ST6GALNAC3: variants seen among roughly 807,000 people sequenced by gnomAD.
The protein encoded by ST6GALNAC3 is alpha-N-acetylgalactosaminide alpha-2,6-sialyltransferase 3.
ST6GALNAC3 carries 25 observed loss-of-function variants against 32.7 expected under a neutral mutation model. The observed-to-expected ratio is 0.76, with a 90% CI of 0.56 to 1.07. ST6GALNAC3 has a LOEUF of 1.07. Among genes scored for constraint, ST6GALNAC3 ranks in the 50% least tolerant of loss-of-function variants. The probability of loss-of-function intolerance (pLI) is 0.00; values close to 1 mark genes in which losing one functional copy is unlikely to be tolerated. For synonymous variants in ST6GALNAC3, 129 were observed against 133.1 expected, an observed-to-expected ratio of 0.97 and a Z score of 0.21; for missense variants, 355 against 382.4, an observed-to-expected ratio of 0.93 and a Z score of 0.60.
intron 2 of ST6GALNAC3, among the ~76,000 whole-genome samples, chr1:76,378,493 CTCTAATAAATATACAAAA>C: frequency 6.6e-6 from 1 of 152,032 alleles, no homozygotes; most frequent in South Asian, 2.1e-4. Context: ...GAAATGCCGT[CTCTAATAAATATACAAAA>C]ATTAGCTGAG....
intron 1 of ST6GALNAC3, among the ~76,000 whole-genome samples, chr1:76,076,300 G>T (rs1646815484): frequency 6.6e-6 from 1 of 152,140 alleles, no homozygotes; most frequent in African/African-American, 2.4e-5. Context: ...TATACATGTG[G>T]TAAACATCTT....
intron 1 of ST6GALNAC3, among the ~76,000 whole-genome samples, chr1:76,125,446 G>A (rs1649178908): frequency 6.6e-6 from 1 of 152,084 alleles, no homozygotes; most frequent in Non-Finnish European, 1.5e-5. Flanking sequence ...CCCTAAATGT[G>A]AGTGATCCTC....
intron 3 of ST6GALNAC3, among the ~76,000 whole-genome samples, chr1:76,568,931 G>A (rs929837934): frequency 2.0e-5 from 3 of 152,024 alleles, no homozygotes; most frequent in African/African-American, 7.2e-5. Flanking sequence ...AGAAACCTAG[G>A]GGAAAATTGA....
At chr1:76,455,858 G>A (rs577116112) in intron 3 of ST6GALNAC3, among the ~76,000 whole-genome samples, 2 of 152,226 alleles carry the variant, frequency 1.3e-5, no homozygotes, top group South Asian at 2.1e-4. Flanking sequence ...TCTGTAGAAT[G>A]TCCACCTTAG....
chr1:76,535,112 C>T (rs11577619), intron 3 of ST6GALNAC3, among the ~76,000 whole-genome samples: 27,697 of 152,102 alleles, frequency 0.18, 4,109 homozygotes, highest in African/African-American at 0.41. Flanking sequence ...ATGGGATACA[C>T]AGGGTTAGGG....
chr1:76,522,085 T>TA (rs55954462), intron 3 of ST6GALNAC3, among the ~76,000 whole-genome samples: 1,477 of 140,702 alleles, frequency 0.01, 16 homozygotes, highest in African/African-American at 0.016. Flanking sequence ...ACTCCATTTC[T>TA]AAAAAAAAAA....
At chr1:76,175,022 A>G (rs939818877) in intron 1 of ST6GALNAC3, among the ~76,000 whole-genome samples, 6 of 152,202 alleles carry the variant, frequency 3.9e-5, no homozygotes, top group African/African-American at 1.2e-4. Flanking sequence ...ATTATATTGT[A>G]TGGAAGTTCC....
rs1390338863 is a variant in ST6GALNAC3 at position 76,633,518 on chromosome 1, G to T, written c.*4712G>T. On this transcript the variant is annotated 3_prime_UTR_variant, in exon 5 of 5. Coordinates refer to ENST00000328299, the MANE Select transcript of ST6GALNAC3 (RefSeq NM_152996.4). ...TTCTTAGTTTCTCTTTGTGATTGAG[G>T]ATGAGCAAGCCATTGATACACCAAG... is the stretch of plus-strand genomic sequence containing the variant. The T allele has an allele frequency of 6.6e-6, 1 of 152,190 alleles. No homozygotes were observed. The highest frequency in any genetic ancestry group is 1.5e-5 in the Non-Finnish European group (1 of 68,046). 9.4% of individuals were successfully genotyped at this position (152,190 alleles called of 1,614,324 possible).
At chr1:76,316,089 A>T (rs1646859539) in intron 2 of ST6GALNAC3, among the ~76,000 whole-genome samples, 1 of 152,188 alleles carries the variant, frequency 6.6e-6, no homozygotes, top group Admixed American at 6.6e-5. Flanking sequence ...AATATACATG[A>T]AACGCCAGAT....
At chr1:76,415,171 C>CTTTTTTT (rs71072000) in intron 3 of ST6GALNAC3, among the ~76,000 whole-genome samples, 75 of 70,426 alleles carry the variant, frequency 1.1e-3, no homozygotes, top group Non-Finnish European at 1.4e-3. Context: ...GGATTCATGT[C>CTTTTTTT]TTTTTTTTTT....
intron 1 of ST6GALNAC3, chr1:76,142,835 CT>C: frequency 2.3e-6 from 1 of 430,404 alleles, no homozygotes; most frequent in Non-Finnish European, 4.6e-6. Flanking sequence ...TTTTTTTTTT[CT>C]TTTAAATTTT....
At chr1:76,341,690 T>TTTCCTTCC (rs1648048635) in intron 2 of ST6GALNAC3, among the ~76,000 whole-genome samples, 8 of 123,594 alleles carry the variant, frequency 6.5e-5, no homozygotes, top group South Asian at 2.5e-4. Flanking sequence ...TCCTTCTTTC[T>TTTCCTTCC]TTCTTTCTTT....
At chr1:76,107,201 C>G (rs1286062607) in intron 1 of ST6GALNAC3, among the ~76,000 whole-genome samples, 1 of 152,182 alleles carries the variant, frequency 6.6e-6, no homozygotes, top group Non-Finnish European at 1.5e-5. Flanking sequence ...AACTTCTTCC[C>G]TGCCTAATCC....
intron 2 of ST6GALNAC3, among the ~76,000 whole-genome samples, chr1:76,329,155 A>G (rs1647138257): frequency 6.6e-6 from 1 of 152,230 alleles, no homozygotes; most frequent in Admixed American, 6.5e-5. Flanking sequence ...ACAAAAACAC[A>G]GGAATCATCA....
At chr1:76,602,821 G>A (rs1647296149) in intron 3 of ST6GALNAC3, among the ~76,000 whole-genome samples, 1 of 151,592 alleles carries the variant, frequency 6.6e-6, no homozygotes, top group African/African-American at 2.4e-5. Flanking sequence ...AGCCACAGTA[G>A]GAGGAAATAA....
At chr1:76,302,618 T>C (rs1222583418) in intron 1 of ST6GALNAC3, among the ~76,000 whole-genome samples, 1 of 152,082 alleles carries the variant, frequency 6.6e-6, no homozygotes, top group Non-Finnish European at 1.5e-5. Flanking sequence ...CTTAGCACTT[T>C]CCTTTTACCA....
Position 76,611,274 on chromosome 1 carries a change from A to T in ST6GALNAC3, c.624-16178A>T, listed in dbSNP as rs900950185. Among the ~76,000 whole-genome samples, 38 of 151,838 alleles carry T rather than the reference A, an allele frequency of 2.5e-4. 1 individual carries two copies. The highest frequency in any genetic ancestry group is 6.6e-5 in the Admixed American group (1 of 15,258). ...TTAATATTCAAAATAATTTTTTTCT[A>T]AATAAGTTGATAAGTTGCCAGTGTT... On this transcript the variant is annotated intron_variant, in intron 3 of 4. Coordinates refer to ENST00000328299, the MANE Select transcript of ST6GALNAC3 (RefSeq NM_152996.4).
intron 1 of ST6GALNAC3, among the ~76,000 whole-genome samples, chr1:76,112,491 A>G (rs1398867196): frequency 9.4e-4 from 130 of 138,998 alleles, no homozygotes; most frequent in Admixed American, 3.3e-3. Context: ...CCTCCCTTCC[A>G]GATGGGGCGG....
At position 76,629,712 on chromosome 1, in the gene ST6GALNAC3, CTA is replaced by C. The variant is rs1175053465; in HGVS notation, c.*910_*911del. On this transcript the variant is annotated 3_prime_UTR_variant, in exon 5 of 5. Coordinates refer to ENST00000328299, the MANE Select transcript of ST6GALNAC3 (RefSeq NM_152996.4). ...TGCTTCAACATCCAACAACACAAAA[CTA>C]TATGATTTTTAAAATCATGAAATAG... 10 of 984,712 alleles carry C rather than the reference CTA, an allele frequency of 1.0e-5. No individual in the cohort carries two copies. Among genetic ancestry groups the C allele is most frequent in the Non-Finnish European group, 1.1e-5 (9 of 829,108 alleles). 61.0% of individuals were successfully genotyped at this position (984,712 alleles called of 1,614,324 possible). A position where few individuals can be genotyped will look rare whatever the true frequency, so the allele number is the denominator to read the frequency against.
Sources: gnomAD v4.1 joint callset for allele counts (sites outside exome capture counted in the v4.1 genomes callset) on GRCh38, gnomAD v4.1.1 for gene constraint, MANE v1.5 for transcripts, NCBI Gene and HGNC (gene_info 2026-07-23, HGNC 2026-07-21) for gene names.